The following DAB1 variants were observed in gnomAD, a reference collection of about 807,000 sequenced individuals.
The protein encoded by DAB1 is disabled homolog 1.
Under a neutral mutation model 64.6 loss-of-function variants are expected in DAB1, and 15 were observed. The ratio of observed to expected loss-of-function variants is 0.23; its 90% CI spans 0.16 to 0.36. The LOEUF is 0.36. Among genes scored for constraint, DAB1 ranks in the 10% least tolerant of loss-of-function variants. DAB1 has a pLI of 1.00. For synonymous variants in DAB1, 235 were observed against 251.9 expected (o/e 0.93, Z 0.64); for missense variants, 596 against 706.7 (o/e 0.84, Z 1.78).
At chr1:57,557,036 T>C (rs1644997231) in intron 7 of DAB1, among the ~76,000 whole-genome samples, 1 of 152,172 alleles carries the variant, frequency 6.6e-6, no homozygotes, top group Non-Finnish European at 1.5e-5. Context: ...TGATGGTTAA[T>C]AATGAGTGTC....
chr1:57,961,816 A>G (rs1329057378), intron 5 of DAB1, among the ~76,000 whole-genome samples: 1 of 149,072 alleles, frequency 6.7e-6, no homozygotes, highest in Non-Finnish European at 1.5e-5. Context: ...TAAAAAATAC[A>G]AAAAAAAAAT....
intron 1 of DAB1, among the ~76,000 whole-genome samples, chr1:57,839,241 G>T (rs1211429647): frequency 6.6e-6 from 1 of 152,134 alleles, no homozygotes; most frequent in Non-Finnish European, 1.5e-5. Context: ...GAGTGACTCA[G>T]GCCTCAGACT....
intron 3 of DAB1, among the ~76,000 whole-genome samples, chr1:58,430,232 C>CA (rs769618694): frequency 9.9e-5 from 15 of 152,276 alleles, no homozygotes; most frequent in Middle Eastern, 6.8e-3. Flanking sequence ...GTTGTGAAGG[C>CA]AAAATAAGGT....
chr1:57,325,506 G>A (rs1288839592), intron 1 of DAB1, among the ~76,000 whole-genome samples: 1 of 152,182 alleles, frequency 6.6e-6, no homozygotes, highest in Non-Finnish European at 1.5e-5. Flanking sequence ...TACCTAATGC[G>A]GTGCTTGGTA....
intron 2 of DAB1, among the ~76,000 whole-genome samples, chr1:57,225,822 T>G (rs1481695280): frequency 3.3e-5 from 5 of 151,628 alleles, no homozygotes; most frequent in Non-Finnish European, 1.5e-5. Flanking sequence ...TTTGTTTTTG[T>G]TTTTTTTATA....
intron 2 of DAB1, among the ~76,000 whole-genome samples, chr1:57,266,228 T>A (rs761416443): frequency 1.3e-5 from 2 of 152,220 alleles, no homozygotes; most frequent in Non-Finnish European, 2.9e-5. Context: ...AATTAATTTC[T>A]TTTTCTTCAT....
chr1:57,974,401 A>G (rs189081488), intron 5 of DAB1, among the ~76,000 whole-genome samples: 10 of 152,266 alleles, frequency 6.6e-5, no homozygotes, highest in African/African-American at 2.4e-4. Flanking sequence ...TCACTGGTGT[A>G]TCTCTGGAGT....
intron 4 of DAB1, among the ~76,000 whole-genome samples, chr1:58,223,394 C>T (rs1659283728): frequency 6.6e-6 from 1 of 152,262 alleles, no homozygotes; most frequent in East Asian, 1.9e-4. Context: ...AGCCTTGTCC[C>T]CAAAGATCAC....
In DAB1 at chr1:58,236,619, G is replaced by T. The variant is rs780531536; in HGVS notation, n.310-86031C>A. Among the ~76,000 whole-genome samples, 2 of 152,164 alleles carry T rather than the reference G, an allele frequency of 1.3e-5. 1 individual carries two copies. The highest frequency in any genetic ancestry group is 2.9e-5 in the Non-Finnish European group (2 of 68,022). On this transcript the variant is annotated intron_variant and non_coding_transcript_variant, in intron 4 of 20. Transcript: ENST00000485760. ...TATATGTGTGCATAAATAGTCCTTT[G>T]TTATTCATAATTCACTTTCACATGC...
At chr1:57,918,801 T>G (rs980787999) in intron 5 of DAB1, among the ~76,000 whole-genome samples, 13 of 151,414 alleles carry the variant, frequency 8.6e-5, no homozygotes, top group South Asian at 4.2e-4. Context: ...TCCAGCCTGG[T>G]CGACAGAGCG....
intron 6 of DAB1, among the ~76,000 whole-genome samples, chr1:57,742,723 G>T (rs923054982): frequency 6.6e-6 from 1 of 152,102 alleles, no homozygotes; most frequent in Non-Finnish European, 1.5e-5. Flanking sequence ...ATATGCCTGG[G>T]AACAACTGAA....
rs956162933 is a variant in DAB1 at position 58,521,703 on chromosome 1, A to T, written n.107+5558T>A. ...AAAAATTCCTAGAAAAACTACAAAA[A>T]CTGAAACAAGAAATAGAAAAATCTG... On this transcript the variant is annotated intron_variant and non_coding_transcript_variant, in intron 2 of 20. Coordinates refer to the DAB1 transcript ENST00000485760. Among the ~76,000 whole-genome samples the T allele has an allele frequency of 1.1e-4, 17 of 152,240 alleles. No homozygotes were observed. The East Asian group carries it at 2.5e-3, about 22-fold the overall frequency.
chr1:58,521,127 G>T (rs1646255840), intron 2 of DAB1, among the ~76,000 whole-genome samples: 1 of 152,034 alleles, frequency 6.6e-6, no homozygotes, highest in South Asian at 2.1e-4. Context: ...GCTAGAAATC[G>T]AAAACAAAAG....
At chr1:57,669,023 A>T (rs1646479944) in intron 6 of DAB1, among the ~76,000 whole-genome samples, 1 of 152,074 alleles carries the variant, frequency 6.6e-6, no homozygotes, top group African/African-American at 2.4e-5. Context: ...TTATGATTGC[A>T]TTGCTTCTGT....
chr1:58,279,253 T>A (rs1661504526), intron 4 of DAB1, among the ~76,000 whole-genome samples: 1 of 152,218 alleles, frequency 6.6e-6, no homozygotes, highest in Non-Finnish European at 1.5e-5. Context: ...ATAATGCCAC[T>A]TAATTTGGTC....
intron 7 of DAB1, among the ~76,000 whole-genome samples, chr1:57,620,552 A>C (rs1390577445): frequency 6.6e-6 from 1 of 152,250 alleles, no homozygotes; most frequent in Non-Finnish European, 1.5e-5. Context: ...TACAACTATC[A>C]GCAAAACCTG....
intron 6 of DAB1, among the ~76,000 whole-genome samples, chr1:57,752,107 A>G (rs1648583257): frequency 6.6e-6 from 1 of 152,228 alleles, no homozygotes. Flanking sequence ...CTCAGAGTTC[A>G]GGCGCGGATT....
intron 7 of DAB1, among the ~76,000 whole-genome samples, chr1:57,461,751 C>G (rs977115640): frequency 6.6e-6 from 1 of 152,056 alleles, no homozygotes; most frequent in African/African-American, 2.4e-5. Flanking sequence ...TATCATTGCT[C>G]CAGTTCTCTT....
intron 5 of DAB1, among the ~76,000 whole-genome samples, chr1:58,142,004 C>T (rs745897891): frequency 2.6e-5 from 4 of 152,168 alleles, no homozygotes; most frequent in African/African-American, 9.7e-5. Flanking sequence ...GTCACCGTGT[C>T]TTTGTGTATG....
Sources: allele counts gnomAD v4.1 joint callset (sites outside exome capture counted in the v4.1 genomes callset), GRCh38; gene constraint gnomAD v4.1.1; transcripts MANE v1.5; gene names NCBI Gene and HGNC (gene_info 2026-07-23, HGNC 2026-07-21).